RALGPS1: variants seen among roughly 807,000 people sequenced by gnomAD.
The protein encoded by RALGPS1 is Ral GEF with PH domain and SH3 binding motif 1.
RALGPS1 carries 19 observed loss-of-function variants against 78.8 expected under a neutral mutation model. That is an observed-to-expected ratio of 0.24 (90% CI 0.17 to 0.35). The LOEUF is 0.35. RALGPS1 is among the 10% of genes least tolerant of loss of function. RALGPS1 has a pLI of 1.00. For synonymous variants in RALGPS1, 228 were observed against 256.3 expected (o/e 0.89, Z 1.06); for missense variants, 454 against 688.3 (o/e 0.66, Z 3.81).
chr9:126,989,526 G>T (rs2042096911), intron 4 of RALGPS1, among the ~76,000 whole-genome samples: 1 of 152,132 alleles, frequency 6.6e-6, no homozygotes, highest in Non-Finnish European at 1.5e-5. Context: ...AACATCCCCA[G>T]TATCTATTCC....
At chr9:127,095,574 G>A (rs2053037832) in intron 8 of RALGPS1, among the ~76,000 whole-genome samples, 1 of 152,238 alleles carries the variant, frequency 6.6e-6, no homozygotes, top group South Asian at 2.1e-4. Flanking sequence ...GCAGGGTGGG[G>A]CCGCTCTGAC....
At chr9:126,935,579 C>G (rs1354422709) in intron 1 of RALGPS1, among the ~76,000 whole-genome samples, 2 of 152,210 alleles carry the variant, frequency 1.3e-5, no homozygotes, top group Admixed American at 6.5e-5. Flanking sequence ...CATTTCTGCA[C>G]AGGGGCCCAG....
intron 8 of RALGPS1, among the ~76,000 whole-genome samples, chr9:127,097,965 G>A (rs1409875685): frequency 5.9e-5 from 9 of 152,184 alleles, no homozygotes; most frequent in African/African-American, 1.9e-4. Context: ...ACCCAAGAGC[G>A]GCCAGCATGG....
At chr9:127,004,874 G>A (rs747797357) in intron 4 of RALGPS1, among the ~76,000 whole-genome samples, 2 of 152,152 alleles carry the variant, frequency 1.3e-5, no homozygotes, top group Non-Finnish European at 2.9e-5. Context: ...ATGAGAAGAA[G>A]GCTTGAGTTA....
At chr9:126,964,577 A>G (rs1420276037) in intron 2 of RALGPS1, among the ~76,000 whole-genome samples, 1 of 143,932 alleles carries the variant, frequency 6.9e-6, no homozygotes, top group African/African-American at 2.5e-5. Context: ...GAGCACAGAC[A>G]GCAACTGGTG....
chr9:126,970,256 A>G (rs1311296266), intron 3 of RALGPS1, among the ~76,000 whole-genome samples: 1 of 152,190 alleles, frequency 6.6e-6, no homozygotes. Context: ...AAGTGGTTGA[A>G]TATATACCAC....
At chr9:126,925,237 A>G (rs1239863149) in intron 1 of RALGPS1, among the ~76,000 whole-genome samples, 6 of 151,576 alleles carry the variant, frequency 4.0e-5, no homozygotes, top group African/African-American at 1.5e-4. Flanking sequence ...CAAAAATAAT[A>G]ACAAGTACAT....
At chr9:127,150,090 A>T (rs538425370) in intron 8 of RALGPS1, among the ~76,000 whole-genome samples, 2 of 152,212 alleles carry the variant, frequency 1.3e-5, no homozygotes, top group African/African-American at 4.8e-5. Context: ...TGAACAAGCA[A>T]CTTAGCCTCT....
At chr9:127,074,949 A>G (rs536463964) in intron 8 of RALGPS1, among the ~76,000 whole-genome samples, 1 of 152,360 alleles carries the variant, frequency 6.6e-6, no homozygotes, top group South Asian at 2.1e-4. Flanking sequence ...TGAAGGGTAT[A>G]AATTATTGCT....
intron 5 of RALGPS1, among the ~76,000 whole-genome samples, chr9:127,046,490 T>C (rs1302992117): frequency 1.3e-5 from 2 of 152,128 alleles, no homozygotes; most frequent in African/African-American, 4.8e-5. Context: ...TATGTTCAAG[T>C]TGTTCTTCAA....
chr9:127,007,539 G>T (rs1394361207), intron 4 of RALGPS1, among the ~76,000 whole-genome samples: 1 of 152,196 alleles, frequency 6.6e-6, no homozygotes, highest in South Asian at 2.1e-4. Flanking sequence ...GGTGTATGGT[G>T]GGGGGCTCAG....
intron 4 of RALGPS1, among the ~76,000 whole-genome samples, chr9:126,992,700 G>A (rs550129914): frequency 6.6e-6 from 1 of 152,298 alleles, no homozygotes; most frequent in Admixed American, 6.5e-5. Flanking sequence ...ATCACCTCAT[G>A]TATGTAGGTC....
At chr9:126,977,932 A>C in intron 4 of RALGPS1, 187 bp downstream of exon 4, 2 of 481,372 alleles carry the variant, frequency 4.2e-6, no homozygotes, top group East Asian at 7.1e-5. Flanking sequence ...TTTCCAGAGA[A>C]TGTCTCCCGT....
intron 1 of RALGPS1, among the ~76,000 whole-genome samples, chr9:126,958,158 TACACACACAC>T (rs60776038): frequency 1.7e-5 from 2 of 121,118 alleles, no homozygotes; most frequent in African/African-American, 2.7e-5. Flanking sequence ...TATATATATA[TACACACACAC>T]ACACACATAT....
chr9:126,948,435 C>T (rs1401718750), intron 1 of RALGPS1, among the ~76,000 whole-genome samples: 1 of 152,036 alleles, frequency 6.6e-6, no homozygotes, highest in Non-Finnish European at 1.5e-5. Flanking sequence ...GAGAATCGCT[C>T]GCTTGAACCT....
chr9:127,019,421 G>A (rs181657956), intron 4 of RALGPS1, among the ~76,000 whole-genome samples: 88 of 152,066 alleles, frequency 5.8e-4, no homozygotes, highest in African/African-American at 1.8e-3. Context: ...TCTGCTTCCC[G>A]GGTTCATGCC....
rs190101670 is a variant in RALGPS1 at position 127,127,372 on chromosome 9, C to T, written c.611-38697C>T. ...GACCAGAGTAGTTGTTCAAAACAGT[C>T]CACTCCTCCATTTCAGGAACTGGAA... On this transcript the variant is annotated intron_variant, in intron 8 of 18. Transcript: ENST00000259351. Among the ~76,000 whole-genome samples the T allele has an allele frequency of 6.7e-4, 102 of 152,314 alleles. 1 individual carries two copies. Among genetic ancestry groups the T allele is most frequent in the Non-Finnish European group, 1.1e-3 (73 of 68,030 alleles).
intron 8 of RALGPS1, among the ~76,000 whole-genome samples, chr9:127,148,191 C>T (rs142490656): frequency 6.6e-6 from 1 of 152,330 alleles, no homozygotes; most frequent in African/African-American, 2.4e-5. Context: ...TGCGGTTGCC[C>T]AGAAGATAAG....
intron 4 of RALGPS1, among the ~76,000 whole-genome samples, chr9:126,989,392 G>A (rs575194122): frequency 2.6e-5 from 4 of 152,326 alleles, no homozygotes; most frequent in Admixed American, 2.0e-4. Flanking sequence ...TACAGGTAAG[G>A]GAGCATCATG....
Sources: gnomAD v4.1 joint callset for allele counts (sites outside exome capture counted in the v4.1 genomes callset) on GRCh38, gnomAD v4.1.1 for gene constraint, MANE v1.5 for transcripts, NCBI Gene and HGNC (gene_info 2026-07-23, HGNC 2026-07-21) for gene names.